CCDC178: variants seen among roughly 807,000 people sequenced by gnomAD.
CCDC178 encodes the protein coiled-coil domain containing 178, also known as coiled-coil domain-containing protein 178.
CCDC178 carries 126 observed loss-of-function variants against 117.4 expected under a neutral mutation model. The ratio of observed to expected loss-of-function variants is 1.07; its 90% CI spans 0.93 to 1.24. The LOEUF is 1.24. Among genes scored for constraint, CCDC178 ranks in the 50% most tolerant of loss-of-function variants. CCDC178 has a pLI of 0.00. For missense variants in CCDC178, 1,030 were observed against 986.9 expected (o/e 1.04, Z -0.59); for synonymous variants, 283 against 313.4 (o/e 0.90, Z 1.02).
At chr18:33,135,039 A>G (rs2058109151) in intron 20 of CCDC178, among the ~76,000 whole-genome samples, 1 of 152,166 alleles carries the variant, frequency 6.6e-6, no homozygotes, top group Non-Finnish European at 1.5e-5. Context: ...AGAAAAAAAT[A>G]AAATTAAAAT....
At chr18:33,045,837 C>A (rs146159413) in intron 21 of CCDC178, among the ~76,000 whole-genome samples, 2 of 152,120 alleles carry the variant, frequency 1.3e-5, no homozygotes, top group Admixed American at 1.3e-4. Flanking sequence ...GAGGCCAAGG[C>A]GGGCAGATCA....
chr18:33,089,413 A>G (rs557017957), intron 21 of CCDC178, among the ~76,000 whole-genome samples: 6 of 152,230 alleles, frequency 3.9e-5, no homozygotes, highest in African/African-American at 1.4e-4. Flanking sequence ...GATAACAGTA[A>G]TAGCAAATTC....
chr18:33,298,077 A>T (rs1027425676), intron 11 of CCDC178, among the ~76,000 whole-genome samples: 1 of 151,912 alleles, frequency 6.6e-6, no homozygotes, highest in Non-Finnish European at 1.5e-5. Context: ...TTCTTCTAAA[A>T]CTATTCCAAA....
intron 2 of CCDC178, among the ~76,000 whole-genome samples, chr18:33,422,712 A>G (rs1218054126): frequency 6.6e-6 from 1 of 152,172 alleles, no homozygotes; most frequent in Non-Finnish European, 1.5e-5. Context: ...AATCTATGCA[A>G]TGCCTGGCAC....
At chr18:33,038,347 T>C (rs1385414264) in intron 21 of CCDC178, among the ~76,000 whole-genome samples, 4 of 151,998 alleles carry the variant, frequency 2.6e-5, no homozygotes, top group South Asian at 2.1e-4. Flanking sequence ...TATTATGTCA[T>C]AAATATTTAA....
At chr18:33,115,824 C>T (rs1174607045) in intron 20 of CCDC178, among the ~76,000 whole-genome samples, 2 of 151,912 alleles carry the variant, frequency 1.3e-5, no homozygotes, top group Non-Finnish European at 2.9e-5. Flanking sequence ...CCATTTTTCT[C>T]TGAAAGGAAT....
chr18:33,343,478 A>T (rs2144667258), intron 9 of CCDC178, among the ~76,000 whole-genome samples: 1 of 152,314 alleles, frequency 6.6e-6, no homozygotes, highest in East Asian at 1.9e-4. Flanking sequence ...GCATGCAGTC[A>T]GCTTAAAGTG....
rs190298298 is a variant in CCDC178, at chr18:33,426,152, G to A, written c.-23+13810C>T. On this transcript the variant is annotated intron_variant, in intron 2 of 22. Coordinates refer to ENST00000383096, the MANE Select transcript of CCDC178 (RefSeq NM_001105528.4). Reference sequence around the variant, plus strand: ...TCTCGATCTCCTGACTTCGTGATCCGCCCACCTCAGGTTCCTGAAGTGCTG... The same window carrying A: ...TCTCGATCTCCTGACTTCGTGATCCACCCACCTCAGGTTCCTGAAGTGCTG... 7.9e-5 allele frequency among the ~76,000 whole-genome samples: 12 copies of A among 152,274 alleles called. No homozygotes were observed. The East Asian group carries it at 1.4e-3, about 17-fold the overall frequency.
chr18:33,008,899 A>G (rs2144791591), intron 21 of CCDC178, among the ~76,000 whole-genome samples: 1 of 152,198 alleles, frequency 6.6e-6, no homozygotes, highest in Non-Finnish European at 1.5e-5. Flanking sequence ...ACTACCTGAC[A>G]TCTTCACCTG....
At chr18:33,032,330 C>G (rs1477483277) in intron 21 of CCDC178, among the ~76,000 whole-genome samples, 1 of 151,958 alleles carries the variant, frequency 6.6e-6, no homozygotes, top group Non-Finnish European at 1.5e-5. Flanking sequence ...CTCCCTTTTT[C>G]AAAGTCAGCA....
Position 33,438,003 on chromosome 18 carries a change from A to T in CCDC178, c.-23+1959T>A, listed in dbSNP as rs571918512. Among the ~76,000 whole-genome samples the T allele has an allele frequency of 3.8e-4, 58 of 152,310 alleles. No homozygotes were observed. The South Asian group carries it at 0.012, about 30-fold the overall frequency. ...TATAAGGATAAGTTTAAATTTACCT[A>T]ACTGAATTTTTATGAACATTGACTG... On this transcript the variant is annotated intron_variant, in intron 2 of 22. Coordinates refer to ENST00000383096, the MANE Select transcript of CCDC178 (RefSeq NM_001105528.4).
At position 33,103,099 on chromosome 18, in the gene CCDC178, G is replaced by C. The variant is rs559214143; in HGVS notation, c.2239-10189C>G. On this transcript the variant is annotated intron_variant, in intron 20 of 22. Coordinates refer to ENST00000383096, the MANE Select transcript of CCDC178 (RefSeq NM_001105528.4). ...ACACACTGTTGATAAAGACATACCT[G>C]AGACTGGGAAGAAAAAGAGGTTTAA... 2.6e-5 allele frequency among the ~76,000 whole-genome samples: 4 copies of C among 151,914 alleles called. No homozygotes were observed. The South Asian group carries it at 8.3e-4, about 32-fold the overall frequency.
At chr18:33,344,615 CA>C (rs1568163684) in intron 9 of CCDC178, among the ~76,000 whole-genome samples, 1 of 139,900 alleles carries the variant, frequency 7.1e-6, no homozygotes, top group East Asian at 2.6e-4. Flanking sequence ...AATTTATCAG[CA>C]AACAATTAAA....
intron 21 of CCDC178, among the ~76,000 whole-genome samples, chr18:33,001,691 T>C (rs2055637212): frequency 6.6e-6 from 1 of 151,768 alleles, no homozygotes; most frequent in Admixed American, 6.6e-5. Context: ...AATAATAACA[T>C]TGAATGTAAA....
At chr18:33,276,156 T>A (rs563697372) in intron 12 of CCDC178, among the ~76,000 whole-genome samples, 1 of 152,110 alleles carries the variant, frequency 6.6e-6, no homozygotes, top group Non-Finnish European at 1.5e-5. Flanking sequence ...TTTTTTGCAT[T>A]GTCTACTAAA....
intron 21 of CCDC178, among the ~76,000 whole-genome samples, chr18:33,050,778 A>G (rs1598828809): frequency 6.6e-6 from 1 of 152,322 alleles, no homozygotes; most frequent in East Asian, 1.9e-4. Flanking sequence ...GTCATCAAGA[A>G]AGACCTAGAA....
At chr18:33,259,781 C>T (rs752871502) in intron 14 of CCDC178, among the ~76,000 whole-genome samples, 37 of 151,986 alleles carry the variant, frequency 2.4e-4, no homozygotes, top group Non-Finnish European at 3.7e-4. Flanking sequence ...CTTGGGGGCT[C>T]ATTGAAGGCA....
intron 14 of CCDC178, among the ~76,000 whole-genome samples, chr18:33,245,840 A>G (rs2059543475): frequency 1.3e-5 from 2 of 151,922 alleles, no homozygotes; most frequent in African/African-American, 4.8e-5. Flanking sequence ...CTCAACTTCG[A>G]TATTATTAAC....
intron 21 of CCDC178, among the ~76,000 whole-genome samples, chr18:32,981,164 T>C (rs932859215): frequency 6.6e-5 from 10 of 152,164 alleles, no homozygotes; most frequent in African/African-American, 2.4e-4. Context: ...AGCAACATAG[T>C]TAGACTCTGT....
Sources: allele counts gnomAD v4.1 joint callset (sites outside exome capture counted in the v4.1 genomes callset), GRCh38; gene constraint gnomAD v4.1.1; transcripts MANE v1.5; gene names NCBI Gene and HGNC (gene_info 2026-07-23, HGNC 2026-07-21).